The following KCNMB2 variants were observed in gnomAD, a reference collection of about 807,000 sequenced individuals.
KCNMB2 encodes the protein potassium calcium-activated channel subfamily M regulatory beta subunit 2, also known as calcium-activated potassium channel subunit beta-2.
A neutral mutation model predicts 24.5 loss-of-function variants in KCNMB2; 9 were observed. The observed-to-expected ratio is 0.37, with a 90% CI of 0.22 to 0.64. The LOEUF (loss-of-function observed/expected upper bound fraction) is 0.64. Ranked by LOEUF, KCNMB2 falls within the 30% of genes least tolerant of loss-of-function variation. The pLI, the probability that KCNMB2 is intolerant of heterozygous loss-of-function variation, is 0.63. For synonymous variants in KCNMB2, 109 were observed against 104.4 expected (o/e 1.04, Z -0.27); for missense variants, 226 against 284.3 (o/e 0.79, Z 1.47).
rs762921625 is a variant in KCNMB2 at position 178,807,444 on chromosome 3, C to G, written c.35C>G (p.Ser12Cys). The change falls in exon 2 of 5, where the codon TCT (serine) becomes TGT (cysteine). Residue 12 changes from serine (S) to cysteine (C), a missense_variant. Ser to Cys is a moderately radical substitution (Grantham distance 112, BLOSUM62 -1). Transcript: ENST00000452583. ...FIWTSGRTSS[S>C]YRHDEKRNIY... Reference sequence around the variant, plus strand: ...TGGACCAGTGGCCGGACCTCTTCATCTTATAGACATGATGAAAAAAGGTAA... The same window carrying G: ...TGGACCAGTGGCCGGACCTCTTCATGTTATAGACATGATGAAAAAAGGTAA... 6.2e-7 allele frequency: 1 copy of G among 1,613,768 alleles called. No homozygotes were observed. Among genetic ancestry groups the G allele is most frequent in the Non-Finnish European group, 8.5e-7 (1 of 1,179,716 alleles).
chr3:178,757,394 G>A (rs191303277), intron 1 of KCNMB2, among the ~76,000 whole-genome samples: 390 of 17,352 alleles, frequency 0.022, no homozygotes, highest in Non-Finnish European at 0.027. Context: ...ATATATATAT[G>A]TATATATATC....
At chr3:178,629,904 C>A (rs1476452344) in intron 1 of KCNMB2, among the ~76,000 whole-genome samples, 1 of 152,132 alleles carries the variant, frequency 6.6e-6, no homozygotes, top group African/African-American at 2.4e-5. Context: ...GTACAAACTA[C>A]AGTAAACAGT....
At position 178,656,894 on chromosome 3, in the gene KCNMB2, G is replaced by T. The variant is rs77725752; in HGVS notation, c.-68+120183G>T. Among the ~76,000 whole-genome samples, 1,222 of 152,208 alleles carry T rather than the reference G, an allele frequency of 8.0e-3. 16 individuals are homozygous for T. The highest frequency in any genetic ancestry group is 0.027 in the African/African-American group (1,133 of 41,522). Reference sequence around the variant, plus strand: ...CATGTGTTTGTTGGGGCGGGGTAGGGGGGTGGTAAAGGAGACAAGTAGGAG... The same window carrying T: ...CATGTGTTTGTTGGGGCGGGGTAGGTGGGTGGTAAAGGAGACAAGTAGGAG... On this transcript the variant is annotated intron_variant, in intron 1 of 4. Transcript: ENST00000452583.
chr3:178,793,523 G>GGGC (rs1553778535), intron 1 of KCNMB2, among the ~76,000 whole-genome samples: 5 of 151,614 alleles, frequency 3.3e-5, no homozygotes, highest in South Asian at 2.1e-4. Flanking sequence ...CTGGGGGGGT[G>GGGC]GGCAATGGAC....
chr3:178,656,893 G>C (rs370134340), intron 1 of KCNMB2, among the ~76,000 whole-genome samples: 51 of 152,256 alleles, frequency 3.3e-4, no homozygotes, highest in African/African-American at 1.1e-3. Flanking sequence ...GGCGGGGTAG[G>C]GGGGTGGTAA....
intron 1 of KCNMB2, among the ~76,000 whole-genome samples, chr3:178,648,010 A>G (rs1275539176): frequency 1.3e-5 from 2 of 151,982 alleles, no homozygotes; most frequent in Non-Finnish European, 2.9e-5. Flanking sequence ...TTTTCTTCTG[A>G]CTTCAAGTGC....
intron 1 of KCNMB2, among the ~76,000 whole-genome samples, chr3:178,680,771 T>A (rs913266222): frequency 2.6e-5 from 4 of 152,194 alleles, no homozygotes; most frequent in Non-Finnish European, 5.9e-5. Flanking sequence ...TGTCTTCCTA[T>A]CTTCTCTCAG....
chr3:178,538,302 G>T (rs1312887907), intron 1 of KCNMB2, among the ~76,000 whole-genome samples: 2 of 152,136 alleles, frequency 1.3e-5, no homozygotes, highest in African/African-American at 2.4e-5. Context: ...CTATGACATC[G>T]TTTTCTGCTT....
chr3:178,716,532 C>T (rs1270882214), intron 1 of KCNMB2, among the ~76,000 whole-genome samples: 2 of 151,672 alleles, frequency 1.3e-5, no homozygotes, highest in African/African-American at 4.8e-5. Flanking sequence ...CAATTTCCAC[C>T]TCCGAGGTTC....
At chr3:178,689,060 T>C (rs904249466) in intron 1 of KCNMB2, among the ~76,000 whole-genome samples, 2 of 152,200 alleles carry the variant, frequency 1.3e-5, no homozygotes, top group African/African-American at 4.8e-5. Flanking sequence ...AGAAAATTGC[T>C]GTGTATTACA....
At position 178,696,512 on chromosome 3, in the gene KCNMB2, AGTCT is replaced by A. The variant is rs1406351425; in HGVS notation, c.-67-110826_-67-110823del. ...TTTGTTCTTTATTATTCTAGCTAGA[AGTCT>A]GTCTATTTTATCAAATTTTTTTCAA... On this transcript the variant is annotated intron_variant, in intron 1 of 4. Coordinates refer to ENST00000452583, the MANE Select transcript of KCNMB2 (RefSeq NM_181361.3). Among the ~76,000 whole-genome samples, 2 of 152,124 alleles carry A rather than the reference AGTCT, an allele frequency of 1.3e-5. 1 individual carries two copies. Among genetic ancestry groups the A allele is most frequent in the South Asian group, 4.1e-4 (2 of 4,820 alleles).
chr3:178,703,860 A>G (rs999557260), intron 1 of KCNMB2, among the ~76,000 whole-genome samples: 2 of 152,192 alleles, frequency 1.3e-5, no homozygotes, highest in Non-Finnish European at 2.9e-5. Flanking sequence ...AACTTCACAC[A>G]TTTATTATAA....
chr3:178,710,133 A>T (rs1401298261), intron 1 of KCNMB2, among the ~76,000 whole-genome samples: 1 of 152,102 alleles, frequency 6.6e-6, no homozygotes, highest in Non-Finnish European at 1.5e-5. Context: ...TTAACCAAAA[A>T]TTAACTATAT....
intron 1 of KCNMB2, among the ~76,000 whole-genome samples, chr3:178,708,733 C>T: frequency 6.6e-6 from 1 of 152,048 alleles, no homozygotes; most frequent in East Asian, 1.9e-4. Flanking sequence ...TAACACAATT[C>T]CTATTATTAT....
intron 1 of KCNMB2, among the ~76,000 whole-genome samples, chr3:178,674,631 C>A (rs1341032270): frequency 4.6e-5 from 7 of 152,138 alleles, no homozygotes; most frequent in African/African-American, 1.7e-4. Flanking sequence ...CCTTCCCTAG[C>A]AACCCCATCA....
At chr3:178,638,734 C>T (rs1372743074) in intron 1 of KCNMB2, among the ~76,000 whole-genome samples, 1 of 152,040 alleles carries the variant, frequency 6.6e-6, no homozygotes, top group African/African-American at 2.4e-5. Context: ...ACATTTTGAC[C>T]AGGAAGTATT....
intron 1 of KCNMB2, among the ~76,000 whole-genome samples, chr3:178,641,022 C>A (rs1719710316): frequency 6.6e-6 from 1 of 152,100 alleles, no homozygotes; most frequent in Non-Finnish European, 1.5e-5. Flanking sequence ...TTTGGGTCTG[C>A]TTCTGGACTC....
intron 1 of KCNMB2, among the ~76,000 whole-genome samples, chr3:178,749,424 A>G (rs985747912): frequency 6.6e-6 from 1 of 152,274 alleles, no homozygotes; most frequent in Non-Finnish European, 1.5e-5. Flanking sequence ...TTATACAATA[A>G]TAATTCTAGT....
At chr3:178,806,846 C>T (rs1007034210) in intron 1 of KCNMB2, among the ~76,000 whole-genome samples, 1 of 152,114 alleles carries the variant, frequency 6.6e-6, no homozygotes, top group Non-Finnish European at 1.5e-5. Flanking sequence ...TGGGCAGATG[C>T]CACAACATTG....
Sources: gnomAD v4.1 joint callset for allele counts (sites outside exome capture counted in the v4.1 genomes callset) on GRCh38, gnomAD v4.1.1 for gene constraint, MANE v1.5 for transcripts, NCBI Gene and HGNC (gene_info 2026-07-23, HGNC 2026-07-21) for gene names.